The following ULK4 variants were observed in gnomAD, a reference collection of about 807,000 sequenced individuals.
The protein encoded by ULK4 is inactive serine/threonine-protein kinase ULK4.
ULK4 carries 133 observed loss-of-function variants against 160.6 expected under a neutral mutation model. That is an observed-to-expected ratio of 0.83 (90% confidence interval 0.72 to 0.96). The LOEUF is 0.96. Ranked by LOEUF, ULK4 falls within the 40% of genes least tolerant of loss-of-function variation. ULK4 has a pLI of 0.00. For synonymous variants in ULK4, 534 were observed against 539.8 expected (o/e 0.99, Z 0.15); for missense variants, 1,580 against 1,499.5 (o/e 1.05, Z -0.89).
intron 34 of ULK4, among the ~76,000 whole-genome samples, chr3:41,446,309 T>A (rs951802599): frequency 1.3e-5 from 2 of 152,112 alleles, no homozygotes; most frequent in African/African-American, 2.4e-5. Context: ...ATTGTGGAAG[T>A]CAGTGTGGCG....
chr3:41,862,765 GTCTCTC>G (rs549887441), intron 17 of ULK4, among the ~76,000 whole-genome samples: 2,031 of 143,336 alleles, frequency 0.014, 45 homozygotes, highest in African/African-American at 0.051. Flanking sequence ...CAGTCAGTCA[GTCTCTC>G]TCTCTCTCTC....
intron 21 of ULK4, among the ~76,000 whole-genome samples, chr3:41,761,357 G>T (rs2038979291): frequency 6.8e-6 from 1 of 148,062 alleles, no homozygotes; most frequent in South Asian, 2.1e-4. Flanking sequence ...ATATGTATAT[G>T]TATTATATGT....
intron 32 of ULK4, among the ~76,000 whole-genome samples, chr3:41,530,977 T>C (rs1279095744): frequency 6.6e-6 from 1 of 151,146 alleles, no homozygotes; most frequent in Non-Finnish European, 1.5e-5. Context: ...TTGGCCAAGA[T>C]GGTCTCGATC....
At chr3:41,838,227 G>A (rs559866425) in intron 17 of ULK4, among the ~76,000 whole-genome samples, 46 of 152,240 alleles carry the variant, frequency 3.0e-4, no homozygotes, top group African/African-American at 1.1e-3. Flanking sequence ...CAAAATATAG[G>A]TAAATACAAT....
At chr3:41,280,181 G>A (rs1219523081) in intron 35 of ULK4, among the ~76,000 whole-genome samples, 1 of 152,116 alleles carries the variant, frequency 6.6e-6, no homozygotes, top group Non-Finnish European at 1.5e-5. Flanking sequence ...GACCTACAAA[G>A]AGACTTAGAC....
chr3:41,400,379 C>A (rs72866691), intron 34 of ULK4, among the ~76,000 whole-genome samples: 3,889 of 152,072 alleles, frequency 0.026, 158 homozygotes, highest in African/African-American at 0.087. Flanking sequence ...ATCCCTAACC[C>A]CTGGTGACCA....
chr3:41,471,283 G>A (rs550826817), intron 32 of ULK4, among the ~76,000 whole-genome samples: 73 of 152,216 alleles, frequency 4.8e-4, no homozygotes, highest in Non-Finnish European at 9.7e-4. Flanking sequence ...AAAAGGGTCA[G>A]TTCAACAAGA....
chr3:41,924,601 A>G (rs1438943853), intron 5 of ULK4, among the ~76,000 whole-genome samples: 2 of 152,252 alleles, frequency 1.3e-5, no homozygotes, highest in Non-Finnish European at 2.9e-5. Flanking sequence ...ATTATACACA[A>G]TAATTCAGAA....
chr3:41,631,711 T>C (rs888342110), intron 30 of ULK4, among the ~76,000 whole-genome samples: 13 of 152,022 alleles, frequency 8.6e-5, no homozygotes, highest in Non-Finnish European at 1.8e-4. Flanking sequence ...AATAAGGCCA[T>C]GGAGTGTTTC....
chr3:41,411,622 AG>A (rs1290651213), intron 34 of ULK4, among the ~76,000 whole-genome samples: 3 of 151,794 alleles, frequency 2.0e-5, no homozygotes, highest in Admixed American at 2.0e-4. Flanking sequence ...TAGTAGAGAC[AG>A]GGTTTCACCA....
intron 17 of ULK4, among the ~76,000 whole-genome samples, chr3:41,862,132 C>A (rs2042511739): frequency 6.6e-6 from 1 of 152,184 alleles, no homozygotes; most frequent in African/African-American, 2.4e-5. Flanking sequence ...AGGCAGTCTT[C>A]AAGCTCACTA....
At chr3:41,519,713 A>T (rs1263658352) in intron 32 of ULK4, among the ~76,000 whole-genome samples, 1 of 152,232 alleles carries the variant, frequency 6.6e-6, no homozygotes, top group African/African-American at 2.4e-5. Flanking sequence ...TTGCATTGGT[A>T]AAATGGGAAC....
chr3:41,628,537 C>A (rs1385553395), intron 30 of ULK4, among the ~76,000 whole-genome samples: 1 of 152,042 alleles, frequency 6.6e-6, no homozygotes, highest in Non-Finnish European at 1.5e-5. Flanking sequence ...GAGCATCTTA[C>A]AAAGTAACTA....
At chr3:41,516,070 A>G (rs991585417) in intron 32 of ULK4, among the ~76,000 whole-genome samples, 1 of 125,276 alleles carries the variant, frequency 8.0e-6, no homozygotes, top group African/African-American at 2.5e-5. Flanking sequence ...GTTAAACCTC[A>G]ATAAAAAGTA....
At chr3:41,534,239 T>C (rs1401624551) in intron 32 of ULK4, among the ~76,000 whole-genome samples, 1 of 152,214 alleles carries the variant, frequency 6.6e-6, no homozygotes, top group Admixed American at 6.5e-5. Flanking sequence ...TGACACTCCA[T>C]AAACCAATGG....
chr3:41,580,077 C>A (rs1050582065), intron 31 of ULK4, among the ~76,000 whole-genome samples: 5 of 152,148 alleles, frequency 3.3e-5, no homozygotes, highest in African/African-American at 1.2e-4. Context: ...GTGTCACAGC[C>A]TCTTTTGCAT....
chr3:41,468,819 G>T (rs1002436415), intron 32 of ULK4, among the ~76,000 whole-genome samples: 13 of 152,164 alleles, frequency 8.5e-5, no homozygotes, highest in African/African-American at 3.1e-4. Flanking sequence ...TTTCCAGAAA[G>T]CCCACTCCTA....
chr3:41,761,204 T>A (rs930824998), intron 21 of ULK4, among the ~76,000 whole-genome samples: 1 of 151,824 alleles, frequency 6.6e-6, no homozygotes, highest in Non-Finnish European at 1.5e-5. Context: ...TTAAACCTCA[T>A]AGAACTGAGT....
intron 18 of ULK4, among the ~76,000 whole-genome samples, chr3:41,833,361 T>C (rs2041656328): frequency 6.6e-6 from 1 of 150,864 alleles, no homozygotes; most frequent in Non-Finnish European, 1.5e-5. Context: ...AGTGGCGCAA[T>C]CTCGGCTCAC....
Sources: allele counts gnomAD v4.1 joint callset (sites outside exome capture counted in the v4.1 genomes callset), GRCh38; gene constraint gnomAD v4.1.1; transcripts MANE v1.5; gene names NCBI Gene and HGNC (gene_info 2026-07-23, HGNC 2026-07-21).